MGA: variants seen among roughly 807,000 people sequenced by gnomAD.
MGA encodes the protein MAX dimerization protein MGA.
MGA carries 40 observed loss-of-function variants against 261.1 expected under a neutral mutation model. That is an observed-to-expected ratio of 0.15 (90% CI 0.12 to 0.20). The LOEUF is 0.20. Ranked by LOEUF, MGA falls within the 10% of genes least tolerant of loss-of-function variation. The probability of loss-of-function intolerance (pLI) is 1.00; values close to 1 mark genes in which losing one functional copy is unlikely to be tolerated. For missense variants in MGA, 3,397 were observed against 3,630.5 expected (o/e 0.94, Z 1.65); for synonymous variants, 1,302 against 1,290.6 (o/e 1.01, Z -0.19).
rs181683221 is a variant in MGA, at chr15:41,633,050, C to A, written c.-68+11752C>A. On this transcript the variant is annotated intron_variant, in intron 1 of 8. Transcript: ENST00000566718. ...CACTGCAACCTCTGCCTCCCGGGTT[C>A]AAGCGATTCTTCTGCCTCAGCCTCC... is the stretch of plus-strand genomic sequence containing the variant. Among the ~76,000 whole-genome samples the A allele has an allele frequency of 4.3e-3, 651 of 151,526 alleles. 7 individuals are homozygous for A. Among genetic ancestry groups the A allele is most frequent in the Middle Eastern group, 0.014 (4 of 294 alleles).
chr15:41,735,662 G>A (rs1376414867), intron 12 of MGA, among the ~76,000 whole-genome samples: 4 of 151,968 alleles, frequency 2.6e-5, no homozygotes, highest in Non-Finnish European at 5.9e-5. Context: ...ACTTGAACCT[G>A]GGAGGCAGAG....
intron 5 of MGA, among the ~76,000 whole-genome samples, chr15:41,703,765 T>A (rs983107524): frequency 6.6e-6 from 1 of 152,064 alleles, no homozygotes; most frequent in Non-Finnish European, 1.5e-5. Context: ...AAAATTCACT[T>A]ATCAGTGTGG....
intron 9 of MGA, among the ~76,000 whole-genome samples, chr15:41,721,923 C>G (rs975732425): frequency 1.3e-5 from 2 of 151,990 alleles, no homozygotes; most frequent in Admixed American, 1.3e-4. Context: ...CTGAAAACAA[C>G]CCCAAATGTC....
In MGA at chr15:41,696,171, T is replaced by G; in HGVS notation, c.1161T>G (p.Asp387Glu). 1 of 1,613,958 alleles carries G rather than the reference T, an allele frequency of 6.2e-7. No individual in the cohort carries two copies. The highest frequency in any genetic ancestry group is 8.5e-7 in the Non-Finnish European group (1 of 1,179,884). The change falls in exon 3 of 24, where the codon GAT becomes GAG. Residue 387 changes from aspartate to glutamate, a missense_variant. Coordinates refer to ENST00000219905, the MANE Select transcript of MGA (RefSeq NM_001164273.2). ...TTGTTATTAAAGAGGAACCTCTAGA[T>G]GATTATGACTACGAACTTGGTGAGT...
chr15:41,634,345 T>C (rs759185176), intron 1 of MGA, among the ~76,000 whole-genome samples: 15 of 152,168 alleles, frequency 9.9e-5, no homozygotes, highest in Admixed American at 2.6e-4. Context: ...GACACTGTTA[T>C]TTCATTTTGC....
intron 2 of MGA, among the ~76,000 whole-genome samples, chr15:41,676,775 G>C (rs756989027): frequency 2.0e-5 from 3 of 152,140 alleles, no homozygotes; most frequent in Non-Finnish European, 2.9e-5. Context: ...CCTAGATCAA[G>C]ATTTTAAATT....
At chr15:41,676,987 G>A (rs1437854800) in intron 2 of MGA, among the ~76,000 whole-genome samples, 2 of 152,114 alleles carry the variant, frequency 1.3e-5, no homozygotes, top group Non-Finnish European at 2.9e-5. Flanking sequence ...TGAAAAATAT[G>A]ACTTACGGGG....
chr15:41,699,133 A>C lies in MGA; in HGVS notation c.2162A>C (p.Gln721Pro). The C allele has an allele frequency of 6.2e-7, 1 of 1,611,100 alleles. No individual in the cohort carries two copies. The change falls in exon 5 of 24, where the codon CAG becomes CCG. Residue 721 changes from glutamine (Q) to proline (P), a missense_variant. Physicochemically the swap from Gln to Pro is moderately conservative, Grantham distance 76. Coordinates refer to ENST00000219905, the MANE Select transcript of MGA (RefSeq NM_001164273.2). ...GATTTGAAGACTTTGCGGCACAAGCAGGTGATACATCCTGGTCTTCAAGAA... is the reference window on the plus strand; with the variant it reads ...GATTTGAAGACTTTGCGGCACAAGCCGGTGATACATCCTGGTCTTCAAGAA...
chr15:41,622,919 TGTG>T (rs1328764623), intron 1 of MGA, among the ~76,000 whole-genome samples: 1 of 152,272 alleles, frequency 6.6e-6, no homozygotes, highest in Admixed American at 6.5e-5. Flanking sequence ...CTTCGAATTT[TGTG>T]CGAACACATC....
intron 1 of MGA, among the ~76,000 whole-genome samples, chr15:41,621,955 A>G (rs902424475): frequency 3.3e-5 from 5 of 149,398 alleles, no homozygotes; most frequent in African/African-American, 9.8e-5. Flanking sequence ...GCTGCTGGAA[A>G]GAGTCGCCAA....
chr15:41,748,580 T>G, intron 15 of MGA, 57 bp from the exon 16 acceptor site: 1 of 1,534,440 alleles, frequency 6.5e-7, no homozygotes, highest in Non-Finnish European at 8.8e-7. Context: ...ATACTTTTTT[T>G]TCCTACGTGT....
At chr15:41,716,360 A>G (rs557981265) in intron 9 of MGA, among the ~76,000 whole-genome samples, 3 of 152,150 alleles carry the variant, frequency 2.0e-5, no homozygotes, top group South Asian at 4.2e-4. Flanking sequence ...AGGCTGAGGC[A>G]GGAGAATGGT....
intron 15 of MGA, among the ~76,000 whole-genome samples, chr15:41,748,073 A>G (rs1279763686): frequency 3.9e-5 from 6 of 152,154 alleles, no homozygotes; most frequent in African/African-American, 1.4e-4. Flanking sequence ...CTTGAGCAAC[A>G]AAGCAAGACC....
chr15:41,707,422 A>G (rs936650195), intron 5 of MGA, among the ~76,000 whole-genome samples: 1 of 152,188 alleles, frequency 6.6e-6, no homozygotes, highest in African/African-American at 2.4e-5. Flanking sequence ...TCACATGCAC[A>G]TTATCATGCA....
rs1279899630 is a variant in MGA at position 41,766,245 on chromosome 15, A to C, written c.8163A>C (p.Ala2721=). 1.2e-6 allele frequency: 2 copies of C among 1,614,008 alleles called. No individual in the cohort carries two copies. The highest frequency in any genetic ancestry group is 2.2e-5 in the South Asian group (2 of 91,074). Residue 2721 remains alanine, a synonymous_variant, in exon 24 of 24, where the codon GCA becomes GCC. Transcript: ENST00000219905. ...TGGGTCCAACGCAGGTTTTTCTGGC[A>C]AACAAAGATTCTGGTTATCCACAAA...
chr15:41,661,894 C>T (rs2057425920), intron 1 of MGA, among the ~76,000 whole-genome samples: 1 of 152,092 alleles, frequency 6.6e-6, no homozygotes, highest in Admixed American at 6.6e-5. Context: ...TCCCGCAGAG[C>T]GATCATCGGG....
chr15:41,741,579 GAAAC>G (rs966731590), intron 14 of MGA, among the ~76,000 whole-genome samples: 3 of 152,044 alleles, frequency 2.0e-5, no homozygotes, highest in African/African-American at 7.2e-5. Flanking sequence ...GAAATTGGGG[GAAAC>G]AAACCCTCTC....
chr15:41,650,357 A>G (rs149826008), intron 1 of MGA, among the ~76,000 whole-genome samples: 3 of 152,228 alleles, frequency 2.0e-5, no homozygotes, highest in Non-Finnish European at 4.4e-5. Flanking sequence ...TGCTTTGTCA[A>G]CTTCTAGACA....
At chr15:41,735,029 C>G (rs758318070) in intron 12 of MGA, among the ~76,000 whole-genome samples, 2 of 152,184 alleles carry the variant, frequency 1.3e-5, no homozygotes, top group Non-Finnish European at 2.9e-5. Flanking sequence ...AGGTAGTGGT[C>G]AGGTGGTTAC....
Sources: gnomAD v4.1 joint callset for allele counts (sites outside exome capture counted in the v4.1 genomes callset) on GRCh38, gnomAD v4.1.1 for gene constraint, MANE v1.5 for transcripts, NCBI Gene and HGNC (gene_info 2026-07-23, HGNC 2026-07-21) for gene names.